Variants in RBFOX2 observed in about 807,000 individuals in gnomAD.
RBFOX2 encodes RNA binding fox-1 homolog 2.
In RBFOX2, 10 loss-of-function variants were observed where a neutral mutation model predicts 49.1. The observed-to-expected ratio is 0.20, with a 90% CI of 0.13 to 0.35. The LOEUF (loss-of-function observed/expected upper bound fraction) is 0.35, where lower values mean the gene tolerates loss of function less well. RBFOX2 is among the 10% of genes least tolerant of loss of function. RBFOX2 has a pLI of 1.00. For synonymous variants in RBFOX2, 183 were observed against 187.4 expected, an observed-to-expected ratio of 0.98 and a Z score of 0.19; for missense variants, 323 against 486.9, an observed-to-expected ratio of 0.66 and a Z score of 3.17.
chr22:35,823,025 T>C (rs1401315653), intron 1 of RBFOX2, among the ~76,000 whole-genome samples: 3 of 152,164 alleles, frequency 2.0e-5, no homozygotes, highest in Non-Finnish European at 2.9e-5. Flanking sequence ...GGTTTCACCA[T>C]GTTGGCCAGG....
At chr22:35,810,857 C>T (rs1484643599) in intron 1 of RBFOX2, among the ~76,000 whole-genome samples, 1 of 152,070 alleles carries the variant, frequency 6.6e-6, no homozygotes, top group African/African-American at 2.4e-5. Flanking sequence ...TTTCCTTGTG[C>T]CCCAATAATA....
exon 3 of RBFOX2, chr22:35,781,653 C>T (rs763980461): frequency 3.1e-6 from 5 of 1,614,196 alleles, no homozygotes; most frequent in Admixed American, 1.7e-5. Context: ...ATATTAGAGA[C>T]ATGCAGCCGT....
intron 1 of RBFOX2, among the ~76,000 whole-genome samples, chr22:35,960,090 C>T (rs1246342107): frequency 2.6e-5 from 4 of 152,090 alleles, no homozygotes; most frequent in Non-Finnish European, 5.9e-5. Context: ...AGATACAATA[C>T]GCCAACTGTA....
intron 1 of RBFOX2, among the ~76,000 whole-genome samples, chr22:35,957,767 C>T (rs147539280): frequency 9.5e-4 from 144 of 152,282 alleles, no homozygotes; most frequent in African/African-American, 3.3e-3. Flanking sequence ...ACATGATTCA[C>T]TCTGTGCAAT....
chr22:35,946,004 T>C (rs759476293), intron 1 of RBFOX2, among the ~76,000 whole-genome samples: 18 of 152,194 alleles, frequency 1.2e-4, no homozygotes, highest in Non-Finnish European at 2.4e-4. Context: ...CCCCCCTTTT[T>C]TTTAAATTAA....
intron 1 of RBFOX2, among the ~76,000 whole-genome samples, chr22:35,982,795 TA>T (rs755548324): frequency 0.011 from 1,607 of 140,850 alleles, 19 homozygotes; most frequent in African/African-American, 0.034. Context: ...GGGTATCGTT[TA>T]AAAAAAAAAA....
intron 1 of RBFOX2, among the ~76,000 whole-genome samples, chr22:36,006,719 T>C (rs1445263698): frequency 6.6e-6 from 1 of 152,212 alleles, no homozygotes; most frequent in African/African-American, 2.4e-5. Flanking sequence ...CTCTCATACC[T>C]TGCCCTTGTA....
intron 1 of RBFOX2, among the ~76,000 whole-genome samples, chr22:35,846,368 GTA>G (rs889043019): frequency 7.5e-6 from 1 of 133,860 alleles, no homozygotes; most frequent in Middle Eastern, 4.4e-3. Flanking sequence ...GTGTGTGTGT[GTA>G]CTGCTTAACA....
At chr22:35,744,658 G>A (rs757570502) in intron 11 of RBFOX2, among the ~76,000 whole-genome samples, 7 of 152,226 alleles carry the variant, frequency 4.6e-5, no homozygotes, top group South Asian at 2.1e-4. Context: ...ATGACCCATC[G>A]GCAGTGCACG....
exon 12 of RBFOX2, chr22:35,743,926 CATT>C: frequency 5.4e-6 from 2 of 367,578 alleles, no homozygotes; most frequent in Middle Eastern, 6.9e-4. Context: ...CATGGAAATG[CATT>C]ATTTTTTTTT....
At chr22:35,931,065 G>A (rs1431152759) in intron 1 of RBFOX2, among the ~76,000 whole-genome samples, 2 of 152,118 alleles carry the variant, frequency 1.3e-5, no homozygotes, top group African/African-American at 2.4e-5. Context: ...CATGGATTGA[G>A]AAAAGTGCTA....
chr22:35,792,782 A>T (rs115486559), intron 2 of RBFOX2, among the ~76,000 whole-genome samples: 2,190 of 152,330 alleles, frequency 0.014, 46 homozygotes, highest in African/African-American at 0.051. Context: ...AAAAAAATAA[A>T]AACACTTTAA....
intron 1 of RBFOX2, among the ~76,000 whole-genome samples, chr22:35,865,491 A>G (rs1409309739): frequency 6.6e-6 from 1 of 152,108 alleles, no homozygotes; most frequent in Admixed American, 6.5e-5. Context: ...CGTATCTTTA[A>G]TTCCAGCGTT....
intron 1 of RBFOX2, among the ~76,000 whole-genome samples, chr22:35,930,914 A>G (rs1357183760): frequency 6.6e-6 from 1 of 152,240 alleles, no homozygotes; most frequent in African/African-American, 2.4e-5. Flanking sequence ...AAATTTGGAC[A>G]AATCATGAAA....
At chr22:35,983,198 C>T (rs2150071229) in intron 1 of RBFOX2, among the ~76,000 whole-genome samples, 1 of 152,252 alleles carries the variant, frequency 6.6e-6, no homozygotes, top group Middle Eastern at 3.4e-3. Flanking sequence ...ATCTCAAAAC[C>T]ATACCTTAGT....
At chr22:35,746,025 A>G (rs779899989) in intron 10 of RBFOX2, 30 bp from the exon 13 acceptor site, 1 of 1,574,156 alleles carries the variant, frequency 6.4e-7, no homozygotes. Context: ...TCAGACAGAT[A>G]AAGAAAAGTG....
chr22:36,003,250 G>A (rs566408540), intron 1 of RBFOX2, among the ~76,000 whole-genome samples: 18 of 152,140 alleles, frequency 1.2e-4, no homozygotes, highest in South Asian at 2.1e-4. Flanking sequence ...ATTACTAGGC[G>A]TTGGCATTCT....
intron 1 of RBFOX2, 69 bp downstream of exon 2, chr22:35,938,778 T>A (rs2053384174): frequency 1.4e-6 from 2 of 1,452,360 alleles, no homozygotes; most frequent in Non-Finnish European, 1.9e-6. Context: ...ATGCTCTCTA[T>A]CATAGCAACC....
At chr22:35,850,518 C>G (rs2148968815) in intron 1 of RBFOX2, among the ~76,000 whole-genome samples, 1 of 152,238 alleles carries the variant, frequency 6.6e-6, no homozygotes, top group African/African-American at 2.4e-5. Context: ...ACTTGCTCAG[C>G]TGTTCCAGTC....
Sources: allele counts gnomAD v4.1 joint callset (sites outside exome capture counted in the v4.1 genomes callset), GRCh38; gene constraint gnomAD v4.1.1; transcripts MANE v1.5; gene names NCBI Gene and HGNC (gene_info 2026-07-23, HGNC 2026-07-21).